The following AFF3 variants were observed in gnomAD, a reference collection of about 807,000 sequenced individuals.
AFF3 encodes AF4/FMR2 family member 3.
AFF3 carries 32 observed loss-of-function variants against 129.7 expected under a neutral mutation model. The ratio of observed to expected loss-of-function variants is 0.25; its 90% CI spans 0.19 to 0.33. The LOEUF (loss-of-function observed/expected upper bound fraction) is 0.33, where lower values mean the gene tolerates loss of function less well. Ranked by LOEUF, AFF3 falls within the 10% of genes least tolerant of loss-of-function variation. AFF3 has a pLI of 1.00. For missense variants in AFF3, 1,373 were observed against 1,592.0 expected, an observed-to-expected ratio of 0.86 and a Z score of 2.34; for synonymous variants, 644 against 635.4, an observed-to-expected ratio of 1.01 and a Z score of -0.20.
At position 100,045,808 on chromosome 2, in the gene AFF3, T is replaced by G. The variant is rs1685785111; in HGVS notation, c.54-36876A>C. Among the ~76,000 whole-genome samples, 3 of 152,212 alleles carry G rather than the reference T, an allele frequency of 2.0e-5. No homozygotes were observed. In the South Asian group the frequency reaches 6.2e-4, roughly 32 times the overall value. ...GCTTATGGTTTTCTTAATAACATTT[T>G]CTTTTCTCTAGCTTATTGTAAGAAT... On this transcript the variant is annotated intron_variant, in intron 4 of 24. Transcript: ENST00000672756.
At chr2:99,653,170 C>T (rs892551937) in intron 12 of AFF3, among the ~76,000 whole-genome samples, 20 of 152,224 alleles carry the variant, frequency 1.3e-4, no homozygotes, top group Non-Finnish European at 1.9e-4. Context: ...CTTAATTTAA[C>T]TCCCTACTCC....
chr2:100,105,294 G>T (rs1691200084), intron 3 of AFF3: 1 of 1,184,062 alleles, frequency 8.4e-7, no homozygotes, highest in Non-Finnish European at 1.1e-6. Flanking sequence ...CAGGCGCGGG[G>T]AGAGTGAGCT....
chr2:99,741,172 C>A (rs1680686060), intron 10 of AFF3, among the ~76,000 whole-genome samples: 1 of 152,240 alleles, frequency 6.6e-6, no homozygotes, highest in South Asian at 2.1e-4. Flanking sequence ...ACAGGGATGC[C>A]CTCTCTCATC....
At position 99,601,338 on chromosome 2, in the gene AFF3, G is replaced by A. The variant is rs1195294159; in HGVS notation, c.1371+97C>T. The A allele has an allele frequency of 2.9e-6, 4 of 1,363,868 alleles. No homozygotes were observed. In the African/African-American group the frequency reaches 5.9e-5, roughly 20 times the overall value. The allele number at this position is 1,363,868 out of a possible 1,614,324, so 84.5% of individuals were successfully genotyped here. On this transcript the variant is annotated intron_variant, in intron 14 of 24. Transcript: ENST00000672756. ...CTGGCTTGGGGTCTGCAGGAGGGAG[G>A]AGACCTGCAGCAGTGTGACAGTGAC...
At chr2:99,684,946 T>TG (rs1213574914) in intron 11 of AFF3, among the ~76,000 whole-genome samples, 1 of 151,758 alleles carries the variant, frequency 6.6e-6, no homozygotes, top group Non-Finnish European at 1.5e-5. Context: ...TCTTTCTTTT[T>TG]TTTTTTTTTG....
chr2:99,559,714 C>T (rs755143905), intron 21 of AFF3, among the ~76,000 whole-genome samples: 9 of 152,206 alleles, frequency 5.9e-5, no homozygotes, highest in Non-Finnish European at 1.2e-4. Context: ...TCCAGAATAC[C>T]AACATTCTGG....
At chr2:99,946,843 C>T (rs539292265) in intron 7 of AFF3, among the ~76,000 whole-genome samples, 1 of 152,278 alleles carries the variant, frequency 6.6e-6, no homozygotes, top group African/African-American at 2.4e-5. Context: ...CAATTATATA[C>T]AAATAACTAA....
At chr2:99,642,755 C>T (rs769943320) in intron 13 of AFF3, among the ~76,000 whole-genome samples, 5 of 152,192 alleles carry the variant, frequency 3.3e-5, no homozygotes, top group Admixed American at 1.3e-4. Context: ...GACCAGGAGT[C>T]CAGGGACCTG....
chr2:99,926,322 G>A (rs1240926365), intron 7 of AFF3, among the ~76,000 whole-genome samples: 9 of 152,178 alleles, frequency 5.9e-5, no homozygotes, highest in African/African-American at 2.2e-4. Context: ...CAGTAAGCAT[G>A]CACACCCGAG....
intron 7 of AFF3, among the ~76,000 whole-genome samples, chr2:99,888,696 G>A (rs1181533841): frequency 6.6e-6 from 1 of 151,934 alleles, no homozygotes; most frequent in Non-Finnish European, 1.5e-5. Context: ...ACTAAAGCAT[G>A]TGCATCAAAA....
chr2:99,785,223 T>C (rs910187905), intron 8 of AFF3, among the ~76,000 whole-genome samples: 1 of 152,182 alleles, frequency 6.6e-6, no homozygotes, highest in Non-Finnish European at 1.5e-5. Flanking sequence ...GGTTCTAATC[T>C]ATGTGGACCT....
chr2:100,030,790 T>C (rs1473669794), intron 4 of AFF3, among the ~76,000 whole-genome samples: 2 of 152,206 alleles, frequency 1.3e-5, no homozygotes, highest in Non-Finnish European at 2.9e-5. Context: ...TTATACGACA[T>C]GCTGAGAAAA....
intron 4 of AFF3, among the ~76,000 whole-genome samples, chr2:100,068,568 A>G (rs1165091675): frequency 6.6e-6 from 1 of 152,130 alleles, no homozygotes; most frequent in Admixed American, 6.5e-5. Context: ...AAAGGACTTG[A>G]CTTATTCTGG....
chr2:100,007,497 G>A, intron 5 of AFF3, 37 bp from the exon 6 acceptor site: 7 of 1,565,976 alleles, frequency 4.5e-6, no homozygotes, highest in Non-Finnish European at 6.1e-6. Flanking sequence ...TATTGTTAGA[G>A]ACAACAGAAA....
intron 8 of AFF3, among the ~76,000 whole-genome samples, chr2:99,834,609 C>T (rs982165020): frequency 6.6e-5 from 10 of 152,214 alleles, no homozygotes; most frequent in African/African-American, 2.4e-4. Flanking sequence ...TTGCAAAGGT[C>T]ACCAGCAACG....
rs540254101 is a variant in AFF3, at chr2:99,587,646, G to C, written c.2467-368C>G. On this transcript the variant is annotated intron_variant, in intron 15 of 24. Coordinates refer to ENST00000672756, the MANE Select transcript of AFF3 (RefSeq NM_001386135.1). The stretch of plus-strand genomic sequence containing the variant: ...TGGCATTTCTTGGTATCAGAATAAA[G>C]TACAGCAAGTGTGTGTTCTCTGGGA... Among the ~76,000 whole-genome samples, 54 of 152,290 alleles carry C rather than the reference G, an allele frequency of 3.5e-4. No individual in the cohort carries two copies. The South Asian group carries it at 0.011, about 32-fold the overall frequency.
Position 99,582,895 on chromosome 2 carries a change from G to A in AFF3, c.2696C>T (p.Ser899Phe). 6.2e-7 allele frequency: 1 copy of A among 1,614,208 alleles called. No homozygotes were observed. The highest frequency in any genetic ancestry group is 8.5e-7 in the Non-Finnish European group (1 of 1,180,048). ...CAAACTGTTGCCATTAGGTCGGCTG[G>A]AAGAAGTTAAGTCCTCGCTGGTGTA... Reference protein sequence around the residue: ...HKYTSEDLTSSSRPNGNSLFT... With the variant: ...HKYTSEDLTSFSRPNGNSLFT... The change falls in exon 17 of 25, where the codon TCC becomes TTC. Residue 899 changes from serine (S) to phenylalanine (F), a missense_variant. Ser to Phe is a radical substitution (Grantham distance 155). Coordinates refer to ENST00000672756, the MANE Select transcript of AFF3 (RefSeq NM_001386135.1).
At chr2:99,920,508 C>T (rs745462198) in intron 7 of AFF3, among the ~76,000 whole-genome samples, 26 of 151,946 alleles carry the variant, frequency 1.7e-4, no homozygotes, top group Non-Finnish European at 3.4e-4. Context: ...GTTACTACAC[C>T]CATTTATCCT....
At chr2:100,138,721 C>T (rs747817696) in intron 1 of AFF3, among the ~76,000 whole-genome samples, 11 of 151,958 alleles carry the variant, frequency 7.2e-5, no homozygotes, top group Non-Finnish European at 1.5e-4. Context: ...ACGGGGGGCG[C>T]ATCACCTGAG....
Sources: gnomAD v4.1 joint callset for allele counts (sites outside exome capture counted in the v4.1 genomes callset) on GRCh38, gnomAD v4.1.1 for gene constraint, MANE v1.5 for transcripts, NCBI Gene and HGNC (gene_info 2026-07-23, HGNC 2026-07-21) for gene names.